The following VPS37C variants were observed in gnomAD, a reference collection of about 807,000 sequenced individuals.
VPS37C encodes VPS37C subunit of ESCRT-I.
A neutral mutation model predicts 16.1 loss-of-function variants in VPS37C; 9 were observed. The ratio of observed to expected loss-of-function variants is 0.56; its 90% CI spans 0.34 to 0.97. The LOEUF (loss-of-function observed/expected upper bound fraction) is 0.97, where lower values mean the gene tolerates loss of function less well. Ranked by LOEUF, VPS37C falls within the 50% of genes least tolerant of loss-of-function variation. The pLI is 0.02. For synonymous variants in VPS37C, 207 were observed against 206.4 expected (o/e 1.00, Z -0.02); for missense variants, 479 against 472.7 (o/e 1.01, Z -0.12).
chr11:61,140,892 C>T (rs1040319375), intron 1 of VPS37C, among the ~76,000 whole-genome samples: 16 of 152,300 alleles, frequency 1.1e-4, no homozygotes, highest in South Asian at 2.1e-4. Flanking sequence ...CCTCACCTTA[C>T]CGCTCCAAAA....
chr11:61,130,742 A>T lies in VPS37C; in HGVS notation c.*1078T>A. 1 of 423,496 alleles carries T rather than the reference A, an allele frequency of 2.4e-6. No individual in the cohort carries two copies. The highest frequency in any genetic ancestry group is 4.6e-6 in the Non-Finnish European group (1 of 216,424). The allele number at this position is 423,496 out of a possible 1,614,324, so 26.2% of individuals were successfully genotyped here. Reference sequence around the variant, plus strand: ...AATCCCCACCCTTTACATTCTGAAGACAGGGAGGTGTGAAAAAATTGCCCC... The same window carrying T: ...AATCCCCACCCTTTACATTCTGAAGTCAGGGAGGTGTGAAAAAATTGCCCC... On this transcript the variant is annotated 3_prime_UTR_variant, in exon 5 of 5. Coordinates refer to ENST00000301765, the MANE Select transcript of VPS37C (RefSeq NM_017966.5).
intron 1 of VPS37C, chr11:61,145,005 C>T (rs757321110): frequency 4.6e-5 from 7 of 152,266 alleles, no homozygotes; most frequent in Non-Finnish European, 1.0e-4. Context: ...CTTTCCTTAT[C>T]TGTAAAATGG....
At chr11:61,139,110 C>T (rs568648010) in intron 1 of VPS37C, among the ~76,000 whole-genome samples, 1 of 152,262 alleles carries the variant, frequency 6.6e-6, no homozygotes, top group East Asian at 1.9e-4. Flanking sequence ...CCACAATCCT[C>T]GGGTGCTAGA....
chr11:61,150,552 G>GTTTTT (rs139641666), intron 1 of VPS37C, among the ~76,000 whole-genome samples: 1 of 127,950 alleles, frequency 7.8e-6, no homozygotes. Flanking sequence ...TTTCAAAGGA[G>GTTTTT]TTTTGTTTTT....
intron 2 of VPS37C, among the ~76,000 whole-genome samples, chr11:61,136,403 ACCTCAGGTCTT>A (rs1861375685): frequency 6.6e-6 from 1 of 151,954 alleles, no homozygotes; most frequent in Non-Finnish European, 1.5e-5. Context: ...CGAACTCCTG[ACCTCAGGTCTT>A]CCACCCACCT....
rs1018362786 is a variant in VPS37C, at chr11:61,130,960, G to A, written c.*860C>T. 8.0e-5 allele frequency: 28 copies of A among 348,706 alleles called. No individual in the cohort carries two copies. The highest frequency in any genetic ancestry group is 1.2e-4 in the African/African-American group (5 of 43,272). 21.6% of individuals were successfully genotyped at this position (348,706 alleles called of 1,614,324 possible). A position where few individuals can be genotyped will look rare whatever the true frequency, so the allele number is the denominator to read the frequency against. ...AGGAGTGGATGGATGCGTGGGCCTC[G>A]GGCAAAGTCGCCCTAAAGTGGGGAC... On this transcript the variant is annotated 3_prime_UTR_variant, in exon 5 of 5. Coordinates refer to ENST00000301765, the MANE Select transcript of VPS37C (RefSeq NM_017966.5).
chr11:61,132,078 C>T lies in VPS37C; in HGVS notation c.810G>A (p.Pro270=), dbSNP rs763927821. The part of the protein sequence containing the change: ...WSPQRSMPPR[P]GYPGTPMGAS... ...CACCCATTGGGGTCCCAGGATAGCC[C>T]GGCCGGGGTGGCATGCTCCTCTGTG... Residue 270 remains proline (P), a synonymous_variant, in exon 5 of 5, where the codon CCG becomes CCA. Transcript: ENST00000301765. 8 of 1,398,274 alleles carry T rather than the reference C, an allele frequency of 5.7e-6. No homozygotes were observed. The highest frequency in any genetic ancestry group is 3.4e-5 in the Admixed American group (1 of 29,174). The allele number at this position is 1,398,274 out of a possible 1,614,324, so 86.6% of individuals were successfully genotyped here.
In VPS37C at chr11:61,132,520, AG is replaced by A. The variant is rs777019135; in HGVS notation, c.367del (p.Leu123TrpfsTer17). The A allele has an allele frequency of 2.5e-6, 4 of 1,604,114 alleles. No individual in the cohort carries two copies. The highest frequency in any genetic ancestry group is 3.3e-4 in the Middle Eastern group (2 of 6,028). On this transcript the variant is annotated frameshift_variant, in exon 5 of 5. Coordinates refer to ENST00000301765, the MANE Select transcript of VPS37C (RefSeq NM_017966.5). LOFTEE classifies it low-confidence loss of function (END_TRUNC). ...CGTTTCCAGGGGCACCTCGCCCTCC[AG>A]GAACTTCTCAGCCATGGCCTGGAAG... ...EESEAMAEKF[L>X]EGEVPLETFL...
rs140514957 is a variant in VPS37C, at chr11:61,137,614, G to A, written c.93+1123C>T. Among the ~76,000 whole-genome samples the A allele has an allele frequency of 4.5e-3, 687 of 152,298 alleles. 4 individuals carry two copies. The highest frequency in any genetic ancestry group is 0.016 in the African/African-American group (650 of 41,558). ...CAGCACCAGGCTGGGCAGGAGCAAC[G>A]CCCTGGCAGAGCTCACAGCCTCACA... On this transcript the variant is annotated intron_variant, in intron 2 of 4. Transcript: ENST00000301765.
chr11:61,130,813 A>G lies in VPS37C; in HGVS notation c.*1007T>C. On this transcript the variant is annotated 3_prime_UTR_variant, in exon 5 of 5. Coordinates refer to ENST00000301765, the MANE Select transcript of VPS37C (RefSeq NM_017966.5). Reference sequence around the variant, plus strand: ...TTAAAAAGCACCATTTGGGAAGTAAAGTTAGGGCCTCTTTTGATGCCTGTC... The same window carrying G: ...TTAAAAAGCACCATTTGGGAAGTAAGGTTAGGGCCTCTTTTGATGCCTGTC... 2.3e-6 allele frequency: 1 copy of G among 440,584 alleles called. No individual in the cohort carries two copies. The highest frequency in any genetic ancestry group is 4.5e-6 in the Non-Finnish European group (1 of 221,296). 27.3% of individuals were successfully genotyped at this position (440,584 alleles called of 1,614,324 possible).
chr11:61,146,393 A>C (rs1264151313), intron 1 of VPS37C, among the ~76,000 whole-genome samples: 3 of 152,238 alleles, frequency 2.0e-5, no homozygotes, highest in Non-Finnish European at 4.4e-5. Context: ...AAAAAGTCAA[A>C]AATACTCACA....
chr11:61,159,763 C>A (rs1208457394), intron 1 of VPS37C, among the ~76,000 whole-genome samples: 2 of 149,814 alleles, frequency 1.3e-5, no homozygotes, highest in Admixed American at 1.3e-4. Flanking sequence ...ATTAGCCGGG[C>A]GTGGTGGTGG....
intron 1 of VPS37C, among the ~76,000 whole-genome samples, chr11:61,148,409 A>C (rs959361068): frequency 6.6e-6 from 1 of 152,198 alleles, no homozygotes; most frequent in Non-Finnish European, 1.5e-5. Context: ...AACTGGCCCC[A>C]TCTTACCCCG....
At chr11:61,151,086 G>A (rs896678923) in intron 1 of VPS37C, among the ~76,000 whole-genome samples, 2 of 152,208 alleles carry the variant, frequency 1.3e-5, no homozygotes, top group African/African-American at 2.4e-5. Flanking sequence ...CGCAGAGCCT[G>A]AACTGCAACA....
rs965296838 is a variant in VPS37C at position 61,130,655 on chromosome 11, T to C, written c.*1165A>G. On this transcript the variant is annotated 3_prime_UTR_variant, in exon 5 of 5. Transcript: ENST00000301765. ...CACCCCCTTTGTCTATTGTATTCAT[T>C]CTTATTACTGAACATGCCCCAAACC... 3.8e-5 allele frequency: 12 copies of C among 313,700 alleles called. No individual in the cohort carries two copies. The highest frequency in any genetic ancestry group is 2.3e-4 in the African/African-American group (10 of 43,080). The allele number at this position is 313,700 out of a possible 1,614,324, so 19.4% of individuals were successfully genotyped here. A position where few individuals can be genotyped will look rare whatever the true frequency, so the allele number is the denominator to read the frequency against.
chr11:61,138,699 G>C, intron 2 of VPS37C, 38 bp downstream of exon 2: 1 of 1,596,992 alleles, frequency 6.3e-7, no homozygotes, highest in Non-Finnish European at 8.6e-7. Flanking sequence ...AGCCTCATCT[G>C]CTGGCCTCTG....
intron 1 of VPS37C, among the ~76,000 whole-genome samples, chr11:61,141,108 C>T (rs780243368): frequency 6.6e-6 from 1 of 152,088 alleles, no homozygotes; most frequent in Non-Finnish European, 1.5e-5. Context: ...GTGGCTTATG[C>T]CTATAATCCC....
At chr11:61,155,213 G>A (rs1347574805) in intron 1 of VPS37C, among the ~76,000 whole-genome samples, 1 of 152,104 alleles carries the variant, frequency 6.6e-6, no homozygotes, top group African/African-American at 2.4e-5. Context: ...ACCAGGTGTG[G>A]TGGCTCATGC....
intron 2 of VPS37C, among the ~76,000 whole-genome samples, chr11:61,135,139 T>C (rs910512749): frequency 6.6e-6 from 1 of 152,216 alleles, no homozygotes; most frequent in African/African-American, 2.4e-5. Context: ...GCAGCTTCTC[T>C]GTGCAGCTTC....
Sources: allele counts gnomAD v4.1 joint callset (sites outside exome capture counted in the v4.1 genomes callset), GRCh38; gene constraint gnomAD v4.1.1; transcripts MANE v1.5; gene names NCBI Gene and HGNC (gene_info 2026-07-23, HGNC 2026-07-21).